Variants in MAGI2 observed in about 807,000 individuals in gnomAD.
MAGI2 encodes the protein membrane-associated guanylate kinase, WW and PDZ domain-containing protein 2.
Under a neutral mutation model 133.3 loss-of-function variants are expected in MAGI2, and 35 were observed. The ratio of observed to expected loss-of-function variants is 0.26; its 90% CI spans 0.20 to 0.35. The LOEUF (loss-of-function observed/expected upper bound fraction) is 0.35. Among genes scored for constraint, MAGI2 ranks in the 10% least tolerant of loss-of-function variants. The probability of loss-of-function intolerance (pLI) is 1.00; values close to 1 mark genes in which losing one functional copy is unlikely to be tolerated. For synonymous variants in MAGI2, 729 were observed against 710.6 expected, an observed-to-expected ratio of 1.03 and a Z score of -0.41; for missense variants, 1,636 against 1,863.4, an observed-to-expected ratio of 0.88 and a Z score of 2.25.
intron 6 of MAGI2, among the ~76,000 whole-genome samples, chr7:78,427,843 G>C (rs1053207013): frequency 6.6e-6 from 1 of 151,920 alleles, no homozygotes; most frequent in Non-Finnish European, 1.5e-5. Flanking sequence ...TGATTAATGA[G>C]TACTGTATTT....
chr7:79,206,915 G>A (rs779687812), intron 1 of MAGI2, among the ~76,000 whole-genome samples: 6 of 151,786 alleles, frequency 4.0e-5, no homozygotes, highest in Non-Finnish European at 5.9e-5. Flanking sequence ...GCTAAATTAC[G>A]TATATCAACA....
intron 6 of MAGI2, among the ~76,000 whole-genome samples, chr7:78,450,107 T>C (rs898384267): frequency 3.3e-5 from 5 of 152,066 alleles, no homozygotes; most frequent in Non-Finnish European, 7.4e-5. Context: ...AACATTCCCA[T>C]GACTTTCTTC....
rs142749119 is a variant in MAGI2 at position 78,532,500 on chromosome 7, A to G, written c.539-10855T>C. Among the ~76,000 whole-genome samples, 255 of 152,288 alleles carry G rather than the reference A, an allele frequency of 1.7e-3. 2 individuals carry two copies. Among genetic ancestry groups the G allele is most frequent in the African/African-American group, 5.2e-3 (218 of 41,570 alleles). ...TTGGTGAATTAGAGAGTCCCTAAGT[A>G]TATCTCCCATAGGATGTAGACTATG... is the stretch of plus-strand genomic sequence containing the variant. On this transcript the variant is annotated intron_variant, in intron 3 of 21. Transcript: ENST00000354212.
At chr7:78,281,322 C>T (rs1795553157) in intron 9 of MAGI2, among the ~76,000 whole-genome samples, 1 of 151,578 alleles carries the variant, frequency 6.6e-6, no homozygotes, top group Admixed American at 6.6e-5. Flanking sequence ...CCCCACATGT[C>T]AAGGGAGAGA....
intron 2 of MAGI2, among the ~76,000 whole-genome samples, chr7:78,666,367 G>A (rs1813585401): frequency 6.6e-6 from 1 of 152,180 alleles, no homozygotes; most frequent in Non-Finnish European, 1.5e-5. Context: ...ATTCTGTCCA[G>A]TTACAAATGT....
intron 3 of MAGI2, chr7:78,621,397 A>G (rs976986600): frequency 6.6e-6 from 1 of 152,014 alleles, no homozygotes; most frequent in Non-Finnish European, 1.5e-5. Context: ...TAATCAATTT[A>G]TTAACAATAA....
intron 2 of MAGI2, among the ~76,000 whole-genome samples, chr7:78,903,233 G>A (rs1407553251): frequency 4.5e-5 from 5 of 111,054 alleles, no homozygotes; most frequent in East Asian, 2.8e-4. Flanking sequence ...TCGCTCTTTC[G>A]CCCAGGCTGG....
Position 78,132,733 on chromosome 7 carries a change from A to G in MAGI2, c.3203+156T>C, listed in dbSNP as rs75711890. On this transcript the variant is annotated intron_variant, in intron 18 of 21. Coordinates refer to ENST00000354212, the MANE Select transcript of MAGI2 (RefSeq NM_012301.4). ...TATCTTTACTAATAAAACCATATCT[A>G]TAACACACACAACCTCGAAATCACA... Among the ~76,000 whole-genome samples the G allele has an allele frequency of 0.02, 3,024 of 152,332 alleles. 111 individuals are homozygous for G. The highest frequency in any genetic ancestry group is 0.069 in the African/African-American group (2,886 of 41,548).
rs113462579 is a variant in MAGI2 at position 79,250,732 on chromosome 7, T to C, written c.301+202288A>G. Among the ~76,000 whole-genome samples, 265 of 150,896 alleles carry C rather than the reference T, an allele frequency of 1.8e-3. 1 individual carries two copies. The highest frequency in any genetic ancestry group is 5.9e-3 in the African/African-American group (245 of 41,188). On this transcript the variant is annotated intron_variant, in intron 1 of 21. Transcript: ENST00000354212. ...ATTCCAATGACATTCCCTACAGAAATAGGAAAAAAAAATACTAACAGTTAC... is the reference window on the plus strand; with the variant it reads ...ATTCCAATGACATTCCCTACAGAAACAGGAAAAAAAAATACTAACAGTTAC...
At chr7:78,839,312 G>C (rs1436316364) in intron 2 of MAGI2, among the ~76,000 whole-genome samples, 5 of 152,086 alleles carry the variant, frequency 3.3e-5, no homozygotes, top group Admixed American at 2.0e-4. Context: ...AACATGCTGG[G>C]TGGGCCCAGC....
At chr7:78,020,181 G>A (rs1808234754) in intron 21 of MAGI2, among the ~76,000 whole-genome samples, 1 of 150,400 alleles carries the variant, frequency 6.6e-6, no homozygotes. Flanking sequence ...GCCCCGCTTA[G>A]CCCCCACGCC....
intron 6 of MAGI2, among the ~76,000 whole-genome samples, chr7:78,442,702 T>C (rs984344724): frequency 1.3e-5 from 2 of 152,214 alleles, no homozygotes; most frequent in Admixed American, 1.3e-4. Flanking sequence ...AACATATTAT[T>C]GATACGCTTT....
chr7:79,232,156 A>G (rs371947553), intron 1 of MAGI2, among the ~76,000 whole-genome samples: 6 of 152,248 alleles, frequency 3.9e-5, no homozygotes, highest in East Asian at 3.9e-4. Flanking sequence ...CTTGATCATG[A>G]TGGATAAGCT....
chr7:78,669,555 T>C (rs1301608473), intron 2 of MAGI2, among the ~76,000 whole-genome samples: 2 of 150,884 alleles, frequency 1.3e-5, no homozygotes, highest in Non-Finnish European at 3.0e-5. Context: ...GAGGGAATCC[T>C]CCCTAACTCA....
intron 2 of MAGI2, among the ~76,000 whole-genome samples, chr7:78,913,637 ACT>A (rs1378357063): frequency 3.3e-5 from 5 of 151,770 alleles, no homozygotes; most frequent in African/African-American, 1.2e-4. Flanking sequence ...CTGTCTAAAG[ACT>A]CTGTTTATTC....
intron 2 of MAGI2, among the ~76,000 whole-genome samples, chr7:78,833,141 C>G (rs933283844): frequency 2.6e-5 from 4 of 152,138 alleles, no homozygotes; most frequent in Non-Finnish European, 2.9e-5. Flanking sequence ...TGATTAATAT[C>G]TTACTAATCA....
chr7:78,064,942 C>A (rs1231646434), intron 21 of MAGI2, among the ~76,000 whole-genome samples: 1 of 152,066 alleles, frequency 6.6e-6, no homozygotes, highest in Admixed American at 6.6e-5. Context: ...CCTTTTGAAA[C>A]AGTAGCGAAT....
rs536446453 is a variant in MAGI2, at chr7:78,019,290, G to T, written c.*25C>A. 1 of 1,575,028 alleles carries T rather than the reference G, an allele frequency of 6.3e-7. No individual in the cohort carries two copies. The highest frequency in any genetic ancestry group is 8.5e-7 in the Non-Finnish European group (1 of 1,169,826). ...AAGAAGAACTGCCTGCGCCGGGGCG[G>T]GCGGGTTGGCCGTGGCCGCGCGGCT... On this transcript the variant is annotated 3_prime_UTR_variant, in exon 22 of 22. Transcript: ENST00000354212.
At chr7:79,014,643 T>C (rs34086589) in intron 1 of MAGI2, among the ~76,000 whole-genome samples, 102,795 of 151,904 alleles carry the variant, frequency 0.68, 34,925 homozygotes, top group Non-Finnish European at 0.7. Flanking sequence ...TTTTTAAAAC[T>C]AGAGATATAC....
Sources: allele counts gnomAD v4.1 joint callset (sites outside exome capture counted in the v4.1 genomes callset), GRCh38; gene constraint gnomAD v4.1.1; transcripts MANE v1.5; gene names NCBI Gene and HGNC (gene_info 2026-07-23, HGNC 2026-07-21).